Variants in FBXO16 observed in about 807,000 individuals in gnomAD.
The protein encoded by FBXO16 is F-box only protein 16.
In FBXO16, 31 loss-of-function variants were observed where a neutral mutation model predicts 41.0. That is an observed-to-expected ratio of 0.76 (90% CI 0.57 to 1.02). FBXO16 has a LOEUF of 1.02. Ranked by LOEUF, FBXO16 falls within the 50% of genes least tolerant of loss-of-function variation. The pLI, the probability that FBXO16 is intolerant of heterozygous loss-of-function variation, is 0.00. For missense variants in FBXO16, 361 were observed against 346.2 expected (o/e 1.04, Z -0.34); for synonymous variants, 133 against 117.8 (o/e 1.13, Z -0.84).
intron 3 of FBXO16, among the ~76,000 whole-genome samples, chr8:28,472,725 A>G (rs919713979): frequency 2.0e-5 from 3 of 152,198 alleles, no homozygotes; most frequent in Non-Finnish European, 2.9e-5. Context: ...AGCCTGGGCA[A>G]CAAGAGCAAA....
Position 28,463,380 on chromosome 8 carries a change from TTGTG to T in FBXO16, c.342+228_342+231del, listed in dbSNP as rs553029291. 3.1e-4 allele frequency among the ~76,000 whole-genome samples: 43 copies of T among 138,910 alleles called. No individual in the cohort carries two copies. In the South Asian group the frequency reaches 0.01, roughly 33 times the overall value. 91.1% of individuals were successfully genotyped at this position (138,910 alleles called of 152,430 possible). A position where few individuals can be genotyped will look rare whatever the true frequency, so the allele number is the denominator to read the frequency against. ...TGTATATGTGTGTATATGTGTGTGTTTGTGTGTTTGTGTTTGTATGTATTTGTGT... is the reference window on the plus strand; with the variant it reads ...TGTATATGTGTGTATATGTGTGTGTTTGTTTGTGTTTGTATGTATTTGTGT... On this transcript the variant is annotated intron_variant, in intron 4 of 8. Coordinates refer to ENST00000380254, the MANE Select transcript of FBXO16 (RefSeq NM_172366.4).
Position 28,434,846 on chromosome 8 carries a change from A to G in FBXO16, c.844-5443T>C, listed in dbSNP as rs1443586547. ...TCAAACACAGGAGCAAGCTCCGTGC[A>G]GGGCCCGAGGCCAGGCCAGGCATGT... On this transcript the variant is annotated intron_variant, in intron 7 of 8. Coordinates refer to ENST00000380254, the MANE Select transcript of FBXO16 (RefSeq NM_172366.4). Among the ~76,000 whole-genome samples, 3 of 152,258 alleles carry G rather than the reference A, an allele frequency of 2.0e-5. No homozygotes were observed. In the East Asian group the frequency reaches 5.8e-4, roughly 29 times the overall value.
chr8:28,440,453 C>G (rs1284018713), intron 7 of FBXO16, among the ~76,000 whole-genome samples: 1 of 152,100 alleles, frequency 6.6e-6, no homozygotes, highest in African/African-American at 2.4e-5. Context: ...AGTGACTACT[C>G]ATTAGTGGTA....
intron 1 of FBXO16, among the ~76,000 whole-genome samples, chr8:28,484,748 C>G (rs9692871): frequency 2.0e-5 from 3 of 151,846 alleles, no homozygotes; most frequent in Non-Finnish European, 4.4e-5. Context: ...CCCGCCATCA[C>G]GCCCAGCTAA....
intron 3 of FBXO16, chr8:28,465,272 C>T (rs2130161990): frequency 4.0e-6 from 1 of 247,180 alleles, no homozygotes; most frequent in East Asian, 1.5e-4. Flanking sequence ...CAGATAAGAG[C>T]TCCTCAGAGC....
chr8:28,439,527 C>T lies in FBXO16; in HGVS notation c.843+7644G>A, dbSNP rs1007012780. Among the ~76,000 whole-genome samples, 4 of 152,084 alleles carry T rather than the reference C, an allele frequency of 2.6e-5. No individual in the cohort carries two copies. In the South Asian group the frequency reaches 6.2e-4, roughly 24 times the overall value. Reference sequence around the variant, plus strand: ...CTGAGGCAGGAGGATCGCTTGAGGCCGGGAGTTTGGGACGAGCCCAGGCAA... The same window carrying T: ...CTGAGGCAGGAGGATCGCTTGAGGCTGGGAGTTTGGGACGAGCCCAGGCAA... On this transcript the variant is annotated intron_variant, in intron 7 of 8. Transcript: ENST00000380254.
rs761794269 is a variant in FBXO16 at position 28,483,349 on chromosome 8, C to T, written c.98G>A (p.Arg33Gln). 7 of 1,608,184 alleles carry T rather than the reference C, an allele frequency of 4.4e-6. No individual in the cohort carries two copies. The highest frequency in any genetic ancestry group is 3.4e-6 in the Non-Finnish European group (4 of 1,178,188). ...GTTAAAATAGTTCTGGTCACTTACC[C>T]GGTCATTCAATAGCTGATGGTTTAG... ...TPLNHQLLND[R>Q]VFEERRALLG... is the part of the protein sequence containing the mutation. Residue 33 changes from arginine to glutamine, a missense_variant and splice_region_variant, in exon 2 of 9, where the codon CGG (arginine) becomes CAG (glutamine). Coordinates refer to ENST00000380254, the MANE Select transcript of FBXO16 (RefSeq NM_172366.4).
chr8:28,478,538 T>C (rs1477919050), intron 2 of FBXO16, among the ~76,000 whole-genome samples: 4 of 152,090 alleles, frequency 2.6e-5, no homozygotes, highest in Non-Finnish European at 2.9e-5. Flanking sequence ...CAAATTGTAA[T>C]CCCCGGCTGG....
intron 1 of FBXO16, among the ~76,000 whole-genome samples, chr8:28,485,901 A>G (rs980027194): frequency 6.6e-6 from 1 of 152,136 alleles, no homozygotes; most frequent in African/African-American, 2.4e-5. Flanking sequence ...TGAAGTCAGG[A>G]GTTCGAGGCC....
intron 5 of FBXO16, among the ~76,000 whole-genome samples, chr8:28,452,998 G>A (rs113161756): frequency 4.0e-5 from 6 of 151,854 alleles, no homozygotes; most frequent in Non-Finnish European, 7.4e-5. Flanking sequence ...TCATCATCAC[G>A]ATCACCATTA....
At chr8:28,477,875 G>A (rs1354102684) in intron 2 of FBXO16, among the ~76,000 whole-genome samples, 10 of 152,128 alleles carry the variant, frequency 6.6e-5, no homozygotes, top group African/African-American at 2.2e-4. Flanking sequence ...AGCCGGGCAT[G>A]GTGGTGTGAG....
intron 7 of FBXO16, among the ~76,000 whole-genome samples, chr8:28,437,024 G>T (rs148807414): frequency 2.6e-5 from 4 of 152,284 alleles, no homozygotes; most frequent in African/African-American, 9.6e-5. Context: ...AAAGTGCTGG[G>T]ATTACAGGCA....
chr8:28,470,406 A>G (rs1220929457), intron 3 of FBXO16, among the ~76,000 whole-genome samples: 3 of 152,196 alleles, frequency 2.0e-5, no homozygotes, highest in Non-Finnish European at 2.9e-5. Context: ...AGGAGGAGCA[A>G]TATCTTGGCA....
chr8:28,477,237 A>G (rs1386952348), intron 2 of FBXO16, among the ~76,000 whole-genome samples: 1 of 152,220 alleles, frequency 6.6e-6, no homozygotes, highest in African/African-American at 2.4e-5. Context: ...TTACTACAGA[A>G]TAGAAGAAAG....
chr8:28,441,618 C>A (rs1382150253), intron 7 of FBXO16, among the ~76,000 whole-genome samples: 1 of 151,498 alleles, frequency 6.6e-6, no homozygotes, highest in Non-Finnish European at 1.5e-5. Flanking sequence ...TGCCTGTAGT[C>A]CCAGCTACTC....
intron 7 of FBXO16, among the ~76,000 whole-genome samples, chr8:28,440,419 G>A (rs1364806120): frequency 6.6e-6 from 1 of 152,110 alleles, no homozygotes; most frequent in African/African-American, 2.4e-5. Context: ...TTATAAATGA[G>A]GAAACAAAGA....
At chr8:28,463,162 ATG>A (rs1803165436) in intron 4 of FBXO16, among the ~76,000 whole-genome samples, 1 of 150,332 alleles carries the variant, frequency 6.7e-6, no homozygotes, top group Admixed American at 6.6e-5. Flanking sequence ...TTGTGTGTGT[ATG>A]TGTGTTTGTG....
intron 2 of FBXO16, among the ~76,000 whole-genome samples, chr8:28,475,567 C>T (rs564779056): frequency 5.3e-5 from 8 of 152,298 alleles, no homozygotes; most frequent in African/African-American, 9.6e-5. Context: ...CATGCATCGC[C>T]CAACCCATGC....
chr8:28,437,925 C>T (rs148904255), intron 7 of FBXO16, among the ~76,000 whole-genome samples: 4 of 152,144 alleles, frequency 2.6e-5, no homozygotes, highest in Non-Finnish European at 5.9e-5. Flanking sequence ...GGAGTCCACA[C>T]GTAGGCACAA....
Sources: gnomAD v4.1 joint callset for allele counts (sites outside exome capture counted in the v4.1 genomes callset) on GRCh38, gnomAD v4.1.1 for gene constraint, MANE v1.5 for transcripts, NCBI Gene and HGNC (gene_info 2026-07-23, HGNC 2026-07-21) for gene names.